FAM13B: variants seen among roughly 807,000 people sequenced by gnomAD.
FAM13B encodes protein FAM13B.
In FAM13B, 60 loss-of-function variants were observed where a neutral mutation model predicts 117.3. The ratio of observed to expected loss-of-function variants is 0.51; its 90% CI spans 0.42 to 0.63. FAM13B has a LOEUF of 0.63. Among genes scored for constraint, FAM13B ranks in the 30% least tolerant of loss-of-function variants. The probability of loss-of-function intolerance (pLI) is 0.00; values close to 1 mark genes in which losing one functional copy is unlikely to be tolerated. For missense variants in FAM13B, 972 were observed against 1,091.9 expected (o/e 0.89, Z 1.55); for synonymous variants, 332 against 356.1 (o/e 0.93, Z 0.76).
intron 20 of FAM13B, among the ~76,000 whole-genome samples, chr5:137,945,070 A>G (rs1003801252): frequency 6.6e-6 from 1 of 152,116 alleles, no homozygotes; most frequent in Non-Finnish European, 1.5e-5. Flanking sequence ...CAGGTAATTA[A>G]ACTGCACATA....
chr5:138,046,411 A>G (rs1180543473), intron 1 of FAM13B, among the ~76,000 whole-genome samples: 1 of 152,242 alleles, frequency 6.6e-6, no homozygotes, highest in Non-Finnish European at 1.5e-5. Flanking sequence ...TATGTGACAG[A>G]CAAGAGCCAC....
intron 4 of FAM13B, among the ~76,000 whole-genome samples, chr5:138,016,326 G>A (rs1053054771): frequency 2.6e-5 from 4 of 152,162 alleles, no homozygotes; most frequent in Non-Finnish European, 5.9e-5. Context: ...TGAAAACCAG[G>A]CCAGGTACAA....
At chr5:138,023,338 T>C (rs1201135586) in intron 1 of FAM13B, among the ~76,000 whole-genome samples, 1 of 152,210 alleles carries the variant, frequency 6.6e-6, no homozygotes, top group Non-Finnish European at 1.5e-5. Context: ...TGAGCAGTTA[T>C]GATATGCCAG....
At chr5:138,029,273 TA>T (rs1189696769) in intron 1 of FAM13B, among the ~76,000 whole-genome samples, 1 of 152,244 alleles carries the variant, frequency 6.6e-6, no homozygotes, top group Non-Finnish European at 1.5e-5. Flanking sequence ...CTAAGTCTAC[TA>T]TCTTACAAGT....
In FAM13B at chr5:137,939,681, C is replaced by A; in HGVS notation, c.*544G>T. On this transcript the variant is annotated 3_prime_UTR_variant, in exon 24 of 24. Coordinates refer to ENST00000689681, the MANE Select transcript of FAM13B (RefSeq NM_001385994.1). ...AGAAGATGTCACTTTGGGAATTAAA[C>A]AGAAAGGTGTTCCATAGTACGACTT... 5.0e-6 allele frequency: 1 copy of A among 198,640 alleles called. No individual in the cohort carries two copies. Among genetic ancestry groups the A allele is most frequent in the Non-Finnish European group, 9.4e-6 (1 of 105,860 alleles). 12.3% of individuals were successfully genotyped at this position (198,640 alleles called of 1,614,324 possible).
chr5:138,007,395 A>C (rs1468528792), intron 6 of FAM13B, among the ~76,000 whole-genome samples: 5 of 152,218 alleles, frequency 3.3e-5, no homozygotes, highest in African/African-American at 1.2e-4. Context: ...ATATTAGTAT[A>C]TTGCAAAATT....
At chr5:138,025,163 C>T (rs1031073925) in intron 1 of FAM13B, among the ~76,000 whole-genome samples, 1 of 151,606 alleles carries the variant, frequency 6.6e-6, no homozygotes, top group Non-Finnish European at 1.5e-5. Flanking sequence ...CAGCCCCAAA[C>T]AGCAAAATTA....
intron 4 of FAM13B, among the ~76,000 whole-genome samples, chr5:138,016,222 G>A (rs1240688997): frequency 6.6e-6 from 1 of 151,954 alleles, no homozygotes; most frequent in African/African-American, 2.4e-5. Flanking sequence ...GAAAAGAAGG[G>A]GTAGGATTGG....
rs942276277 is a variant in FAM13B at position 137,945,976 on chromosome 5, T to C, written c.2266A>G (p.Ile756Val). ...TATCTATCATAGAGAGGTTTAACAA[T>C]GTGCCTTTCTTCCTTGGTCACCTGA... Reference protein sequence around the residue: ...GRPVTKEERHIVKPLYDRYRL... With the variant: ...GRPVTKEERHVVKPLYDRYRL... The change falls in exon 20 of 24, where the codon ATT becomes GTT. Residue 756 changes from isoleucine (I) to valine (V), a missense_variant. Physicochemically the swap from Ile to Val is conservative, Grantham distance 29. Coordinates refer to ENST00000689681, the MANE Select transcript of FAM13B (RefSeq NM_001385994.1). 1 of 1,613,066 alleles carries C rather than the reference T, an allele frequency of 6.2e-7. No individual in the cohort carries two copies. The highest frequency in any genetic ancestry group is 2.2e-5 in the East Asian group (1 of 44,822).
At chr5:138,006,237 A>G (rs1242321863) in intron 7 of FAM13B, among the ~76,000 whole-genome samples, 1 of 152,120 alleles carries the variant, frequency 6.6e-6, no homozygotes, top group Non-Finnish European at 1.5e-5. Flanking sequence ...CTGAACACAA[A>G]TTAAATGAAA....
intron 1 of FAM13B, among the ~76,000 whole-genome samples, chr5:138,042,338 G>A (rs1791522432): frequency 6.6e-6 from 1 of 152,142 alleles, no homozygotes; most frequent in Non-Finnish European, 1.5e-5. Context: ...GTTAAGGAGG[G>A]AAGTCTTTTT....
intron 10 of FAM13B, among the ~76,000 whole-genome samples, chr5:137,980,788 C>T (rs1775490223): frequency 6.6e-6 from 1 of 152,130 alleles, no homozygotes; most frequent in South Asian, 2.1e-4. Context: ...TGTTTACTAG[C>T]TTACTATGTG....
chr5:138,012,097 CT>C, intron 4 of FAM13B, 152 bp from the exon 5 acceptor site: 1 of 520,046 alleles, frequency 1.9e-6, no homozygotes, highest in Non-Finnish European at 3.3e-6. Context: ...TGCCTTAGGG[CT>C]TTGTATTTCA....
intron 1 of FAM13B, among the ~76,000 whole-genome samples, chr5:138,045,166 A>G (rs1193703653): frequency 6.6e-6 from 1 of 152,204 alleles, no homozygotes; most frequent in East Asian, 1.9e-4. Context: ...CATTAATTCT[A>G]ATAGTCCAAA....
intron 10 of FAM13B, among the ~76,000 whole-genome samples, chr5:137,966,523 A>AGAGAGAGAGG (rs1554069751): frequency 1.4e-5 from 2 of 138,246 alleles, no homozygotes; most frequent in Non-Finnish European, 3.2e-5. Context: ...AGAGAGAGAG[A>AGAGAGAGAGG]GGGAAAGAGA....
At chr5:137,963,045 G>A (rs919165749) in intron 10 of FAM13B, among the ~76,000 whole-genome samples, 2 of 151,958 alleles carry the variant, frequency 1.3e-5, no homozygotes, top group Admixed American at 6.6e-5. Context: ...ATACATGAAC[G>A]TTGTGGTGTT....
At chr5:138,009,429 T>G (rs777485695) in intron 6 of FAM13B, among the ~76,000 whole-genome samples, 6 of 151,438 alleles carry the variant, frequency 4.0e-5, no homozygotes, top group African/African-American at 1.5e-4. Context: ...TATTAACTAG[T>G]GAAAGTTGAG....
Position 137,938,931 on chromosome 5 carries a change from A to C in FAM13B, c.*1294T>G, listed in dbSNP as rs1760893366. On this transcript the variant is annotated 3_prime_UTR_variant, in exon 24 of 24. Transcript: ENST00000689681. ...CAATCCAAAAAAGCACCAGAAAAAA[A>C]AGTTAACACTTAGATTAAGCCTGAC... 6.6e-6 allele frequency: 1 copy of C among 152,224 alleles called. No individual in the cohort carries two copies. Among genetic ancestry groups the C allele is most frequent in the Admixed American group, 6.5e-5 (1 of 15,282 alleles). 9.4% of individuals were successfully genotyped at this position (152,224 alleles called of 1,614,324 possible). A position where few individuals can be genotyped will look rare whatever the true frequency, so the allele number is the denominator to read the frequency against.
At chr5:137,946,342 C>CAAAAAAAAAAAAAACAAAAAAA in intron 18 of FAM13B, 31 bp from the exon 19 acceptor site, 2 of 919,172 alleles carry the variant, frequency 2.2e-6, no homozygotes, top group Admixed American at 3.5e-5. Flanking sequence ...TAACAAAATA[C>CAAAAAAAAAAAAAACAAAAAAA]AAAAAAAAAA....
Sources: gnomAD v4.1 joint callset for allele counts (sites outside exome capture counted in the v4.1 genomes callset) on GRCh38, gnomAD v4.1.1 for gene constraint, MANE v1.5 for transcripts, NCBI Gene and HGNC (gene_info 2026-07-23, HGNC 2026-07-21) for gene names.